The following SLC9A1 variants were observed in gnomAD, a reference collection of about 807,000 sequenced individuals.
SLC9A1 encodes solute carrier family 9 member A1, also known as sodium/hydrogen exchanger 1.
Under a neutral mutation model 67.9 loss-of-function variants are expected in SLC9A1, and 22 were observed. The observed-to-expected ratio is 0.32, with a 90% CI of 0.23 to 0.46. The LOEUF (loss-of-function observed/expected upper bound fraction) is 0.46. SLC9A1 is among the 20% of genes least tolerant of loss of function. The pLI is 1.00. For synonymous variants in SLC9A1, 421 were observed against 471.8 expected, an observed-to-expected ratio of 0.89 and a Z score of 1.40; for missense variants, 686 against 1,094.8, an observed-to-expected ratio of 0.63 and a Z score of 5.27.
At chr1:27,148,803 G>T (rs1020091940) in intron 1 of SLC9A1, among the ~76,000 whole-genome samples, 1 of 152,198 alleles carries the variant, frequency 6.6e-6, no homozygotes, top group African/African-American at 2.4e-5. Flanking sequence ...CCTCTCAGGG[G>T]ACTCTGCTGG....
chr1:27,111,629 C>A (rs1002913027), intron 2 of SLC9A1, among the ~76,000 whole-genome samples: 6 of 141,158 alleles, frequency 4.3e-5, no homozygotes, highest in Admixed American at 3.5e-4. Flanking sequence ...GACCCCATAT[C>A]TACAAAATAA....
At position 27,118,245 on chromosome 1, in the gene SLC9A1, AGGGCC is replaced by A. The variant is rs1027963968; in HGVS notation, c.353-3964_353-3960del. 1.3e-5 allele frequency among the ~76,000 whole-genome samples: 2 copies of A among 151,982 alleles called. No homozygotes were observed. The highest frequency in any genetic ancestry group is 2.4e-5 in the African/African-American group (1 of 41,368). ...TGATGGGCTCTCTGGGCCTGAGGGGAGGGCCGGGCCGGGCCAGGCTGAGGAGAAAG... is the reference window on the plus strand; with the variant it reads ...TGATGGGCTCTCTGGGCCTGAGGGGAGGGCCGGGCCAGGCTGAGGAGAAAG... On this transcript the variant is annotated intron_variant, in intron 1 of 11. Coordinates refer to ENST00000263980, the MANE Select transcript of SLC9A1 (RefSeq NM_003047.5). This position sits in a 1 kb window ranked among gnomAD's most constrained non-coding sequence, Gnocchi z 4.3.
chr1:27,124,534 C>A (rs981666607), intron 1 of SLC9A1, among the ~76,000 whole-genome samples: 1 of 152,184 alleles, frequency 6.6e-6, no homozygotes. Context: ...GGACAATTGC[C>A]CTGCAGAAAG....
In SLC9A1 at chr1:27,113,842, T is replaced by C. The variant is rs939253928; in HGVS notation, c.797A>G (p.Asn266Ser). 3.1e-6 allele frequency: 5 copies of C among 1,612,602 alleles called. No individual in the cohort carries two copies. Among genetic ancestry groups the C allele is most frequent in the East Asian group, 2.2e-5 (1 of 44,834 alleles). The part of the protein sequence containing the change: ...HILVFGESLL[N>S]DAVTVVLYHL... The stretch of plus-strand genomic sequence containing the variant: ...CCTCCTCACCACAGTGACGGCGTCA[T>C]TGAGCAAGGACTCCCCAAAAACAAG... Residue 266 changes from asparagine to serine, a missense_variant, in exon 2 of 12, where the codon AAT (asparagine) becomes AGT (serine). Asn to Ser is a conservative substitution (Grantham distance 46). Around this residue, in one of 7 missense-constraint regions of SLC9A1, gnomAD observed 13 missense variants for 56.6 expected, o/e 0.23. Transcript: ENST00000263980.
At position 27,099,697 on chromosome 1, in the gene SLC9A1, C is replaced by T. The variant is rs576887001; in HGVS notation, c.*610G>A. On this transcript the variant is annotated 3_prime_UTR_variant, in exon 12 of 12. Transcript: ENST00000263980. ...AAGCTCTGAGTCACGTCACTGTCAC[C>T]GTAGAAACCACCCCTGCTCCAGGCA... The T allele has an allele frequency of 6.6e-6, 1 of 152,662 alleles. No individual in the cohort carries two copies. The highest frequency in any genetic ancestry group is 2.1e-4 in the South Asian group (1 of 4,834). 9.5% of individuals were successfully genotyped at this position (152,662 alleles called of 1,614,324 possible).
chr1:27,146,774 T>C (rs1396986994), intron 1 of SLC9A1, among the ~76,000 whole-genome samples: 1 of 152,028 alleles, frequency 6.6e-6, no homozygotes, highest in Non-Finnish European at 1.5e-5. Context: ...AGCGAAATCC[T>C]GTCTCAAAAA....
chr1:27,104,419 T>TGTCACACAGGCTGGAGGA (rs2083170065), intron 5 of SLC9A1, among the ~76,000 whole-genome samples: 1 of 151,542 alleles, frequency 6.6e-6, no homozygotes, highest in Non-Finnish European at 1.5e-5. Flanking sequence ...AGTCTCACTC[T>TGTCACACAGGCTGGAGGA]GTCACACAGG....
Position 27,107,880 on chromosome 1 carries a change from AGCGG to A in SLC9A1, c.1065-19_1065-16del. 1 of 1,570,776 alleles carries A rather than the reference AGCGG, an allele frequency of 6.4e-7. No homozygotes were observed. The highest frequency in any genetic ancestry group is 1.3e-5 in the African/African-American group (1 of 74,522). On this transcript the variant is annotated splice_polypyrimidine_tract_variant and intron_variant, in intron 3 of 11. Transcript: ENST00000263980. ...AGGCTATGAGCCTGGAGCAGGAAAG[AGCGG>A]GGTCAGGGCTCCGTGTCGAGCTGCA...
intron 1 of SLC9A1, among the ~76,000 whole-genome samples, chr1:27,127,991 T>G (rs2083357289): frequency 6.6e-6 from 1 of 152,214 alleles, no homozygotes; most frequent in African/African-American, 2.4e-5. Context: ...TGGGGGCTTG[T>G]TGAGAGCCTC....
chr1:27,128,994 G>C lies in SLC9A1; in HGVS notation c.353-14708C>G, dbSNP rs115950344. 8.1e-4 allele frequency among the ~76,000 whole-genome samples: 123 copies of C among 152,158 alleles called. 1 individual carries two copies. Among genetic ancestry groups the C allele is most frequent in the African/African-American group, 2.8e-3 (117 of 41,510 alleles). ...CAAACAAACAAACAAATGCATGCAC[G>C]CACGCACGCATGCCAGACACTCCCG... On this transcript the variant is annotated intron_variant, in intron 1 of 11. Transcript: ENST00000263980.
At position 27,102,395 on chromosome 1, in the gene SLC9A1, C is replaced by T. The variant is rs756862044; in HGVS notation, c.1810G>A (p.Val604Ile). The stretch of plus-strand genomic sequence containing the variant: ...TGCCCCAGCACTCACTGCATGGAGA[C>T]GGTGGAGACGGCAGAGGGGATCTTG... ...MGKIPSAVST[V>I]SMQNIHPKSL... The change falls in exon 8 of 12, where the codon GTC (valine) becomes ATC (isoleucine). Residue 604 changes from valine (V) to isoleucine (I), a missense_variant. By Grantham distance (29) the Val-to-Ile change is conservative. Around this residue, in one of 7 missense-constraint regions of SLC9A1, gnomAD observed 168 missense variants for 375.4 expected, o/e 0.45. Transcript: ENST00000263980. 8 of 1,589,898 alleles carry T rather than the reference C, an allele frequency of 5.0e-6. No homozygotes were observed. The highest frequency in any genetic ancestry group is 2.2e-5 in the South Asian group (2 of 89,404).
chr1:27,114,345 G>C lies in SLC9A1; in HGVS notation c.353-59C>G. On this transcript the variant is annotated intron_variant, in intron 1 of 11. Coordinates refer to ENST00000263980, the MANE Select transcript of SLC9A1 (RefSeq NM_003047.5). This position sits in a 1 kb window ranked among gnomAD's most constrained non-coding sequence, Gnocchi z 5.4. ...TTTCGGAGGAGCCAGGAGAATAGAA[G>C]GTTGGGGATGGGCCGGGGATGAGGA... 2.1e-6 allele frequency: 3 copies of C among 1,421,286 alleles called. No individual in the cohort carries two copies. Among genetic ancestry groups the C allele is most frequent in the Non-Finnish European group, 2.9e-6 (3 of 1,029,020 alleles). The allele number at this position is 1,421,286 out of a possible 1,614,324, so 88.0% of individuals were successfully genotyped here. A position where few individuals can be genotyped will look rare whatever the true frequency, so the allele number is the denominator to read the frequency against.
rs1012950500 is a variant in SLC9A1, at chr1:27,109,977, G to A, written c.814-200C>T. On this transcript the variant is annotated intron_variant, in intron 2 of 11. Transcript: ENST00000263980. The surrounding 1 kb of genome is among the most constrained non-coding windows in gnomAD (Gnocchi z 5.5). ...GAGGGGCTTGCTCTGGGCCAGCCAC[G>A]TGCCCCACTGGTGAAGGGTGGGCCC... is the stretch of plus-strand genomic sequence containing the variant. Among the ~76,000 whole-genome samples, 2 of 152,060 alleles carry A rather than the reference G, an allele frequency of 1.3e-5. No individual in the cohort carries two copies. The highest frequency in any genetic ancestry group is 1.3e-4 in the Admixed American group (2 of 15,276).
intron 1 of SLC9A1, among the ~76,000 whole-genome samples, chr1:27,131,574 CCT>C (rs947356171): frequency 3.3e-5 from 5 of 151,254 alleles, no homozygotes; most frequent in East Asian, 1.9e-4. Flanking sequence ...ATGGTGAAGC[CCT>C]GTCTCTTCTC....
At position 27,109,657 on chromosome 1, in the gene SLC9A1, A is replaced by G; in HGVS notation, c.934T>C (p.Tyr312His). The G allele has an allele frequency of 6.2e-7, 1 of 1,613,868 alleles. No individual in the cohort carries two copies. The highest frequency in any genetic ancestry group is 1.1e-5 in the South Asian group (1 of 91,080). The part of the protein sequence containing the change: ...ALGGVLVGVV[Y>H]GVIAAFTSRF... Reference sequence around the variant, plus strand: ...GAGGTGAAGGCTGCGATGACCCCGTAGACCACGCCCACAAGCACCCCGCCC... The same window carrying G: ...GAGGTGAAGGCTGCGATGACCCCGTGGACCACGCCCACAAGCACCCCGCCC... Residue 312 changes from tyrosine (Y) to histidine (H), a missense_variant, in exon 3 of 12, where the codon TAC (tyrosine) becomes CAC (histidine). Physicochemically the swap from Tyr to His is moderately conservative, Grantham distance 83. Around this residue, in one of 7 missense-constraint regions of SLC9A1, gnomAD observed 58 missense variants for 68.9 expected, o/e 0.84. Transcript: ENST00000263980. The surrounding 1 kb of genome is among the most constrained non-coding windows in gnomAD (Gnocchi z 5.5).
At chr1:27,108,594 C>T (rs922951549) in intron 3 of SLC9A1, among the ~76,000 whole-genome samples, 5 of 152,144 alleles carry the variant, frequency 3.3e-5, no homozygotes, top group South Asian at 4.1e-4. Flanking sequence ...GGGAGAATCT[C>T]GAACTCAGAG....
At position 27,109,311 on chromosome 1, in the gene SLC9A1, G is replaced by C. The variant is rs1257273213; in HGVS notation, c.1064+216C>G. 6.6e-6 allele frequency among the ~76,000 whole-genome samples: 1 copy of C among 152,110 alleles called. No individual in the cohort carries two copies. Among genetic ancestry groups the C allele is most frequent in the African/African-American group, 2.4e-5 (1 of 41,416 alleles). On this transcript the variant is annotated intron_variant, in intron 3 of 11. Transcript: ENST00000263980. This position sits in a 1 kb window ranked among gnomAD's most constrained non-coding sequence, Gnocchi z 5.5. ...CCCTCTCCCGATTCCTGGACCCCAG[G>C]GGGCGCTGCAGAAGTGCTCCTCTTC...
Position 27,102,407 on chromosome 1 carries a change from C to A in SLC9A1, c.1798G>T (p.Ala600Ser). 6.3e-7 allele frequency: 1 copy of A among 1,599,960 alleles called. No homozygotes were observed. Among genetic ancestry groups the A allele is most frequent in the Non-Finnish European group, 8.5e-7 (1 of 1,169,742 alleles). ...CACTGCATGGAGACGGTGGAGACGG[C>A]AGAGGGGATCTTGCCCATGCCCCCG... ...ESGGMGKIPS[A>S]VSTVSMQNIH... The change falls in exon 8 of 12, where the codon GCC (alanine) becomes TCC (serine). Residue 600 changes from alanine (A) to serine (S), a missense_variant. Coordinates refer to ENST00000263980, the MANE Select transcript of SLC9A1 (RefSeq NM_003047.5).
chr1:27,113,098 G>T (rs2083242134), intron 2 of SLC9A1, among the ~76,000 whole-genome samples: 1 of 152,064 alleles, frequency 6.6e-6, no homozygotes, highest in South Asian at 2.1e-4. Flanking sequence ...CCTCACAGAT[G>T]ATATGGTCTG....
Sources: gnomAD v4.1 joint callset for allele counts (sites outside exome capture counted in the v4.1 genomes callset) on GRCh38, gnomAD v4.1.1 for gene constraint, gnomAD v4.1.1 regional missense constraint, Gnocchi (gnomAD v3.1) non-coding constraint, MANE v1.5 for transcripts, NCBI Gene and HGNC (gene_info 2026-07-23, HGNC 2026-07-21) for gene names.